PSMD1: variants seen among roughly 807,000 people sequenced by gnomAD.
PSMD1 encodes the protein proteasome 26S subunit, non-ATPase 1.
Under a neutral mutation model 119.0 loss-of-function variants are expected in PSMD1, and 18 were observed. The ratio of observed to expected loss-of-function variants is 0.15; its 90% CI spans 0.10 to 0.22. The LOEUF (loss-of-function observed/expected upper bound fraction) is 0.22. PSMD1 is among the 10% of genes least tolerant of loss of function. PSMD1 has a pLI of 1.00. For synonymous variants in PSMD1, 374 were observed against 396.6 expected (o/e 0.94, Z 0.68); for missense variants, 702 against 1,158.5 (o/e 0.61, Z 5.72).
intron 24 of PSMD1, among the ~76,000 whole-genome samples, chr2:231,171,642 C>A (rs571812912): frequency 6.6e-6 from 1 of 151,280 alleles, no homozygotes; most frequent in Non-Finnish European, 1.5e-5. Flanking sequence ...CCGCAACCTC[C>A]GCCTCCTGGG....
At chr2:231,112,291 A>AT (rs1695179963) in intron 16 of PSMD1, among the ~76,000 whole-genome samples, 1 of 152,080 alleles carries the variant, frequency 6.6e-6, no homozygotes, top group African/African-American at 2.4e-5. Flanking sequence ...ATTGTCTCCC[A>AT]TTCCCTTTCT....
chr2:231,111,746 T>C (rs17619600), intron 16 of PSMD1, among the ~76,000 whole-genome samples: 12,648 of 152,284 alleles, frequency 0.083, 663 homozygotes, highest in South Asian at 0.21. Context: ...TTAAGCCAAC[T>C]GATTAAAACC....
chr2:231,109,373 G>T (rs1301995857), intron 16 of PSMD1: 19 of 1,614,108 alleles, frequency 1.2e-5, no homozygotes, highest in Non-Finnish European at 1.6e-5. Context: ...GTCCACATCA[G>T]TCTCTATCCC....
chr2:231,077,329 T>C (rs899228155), intron 9 of PSMD1, among the ~76,000 whole-genome samples, 167 bp downstream of exon 9: 32 of 152,216 alleles, frequency 2.1e-4, no homozygotes, highest in African/African-American at 7.2e-4. Context: ...CTTGGAGTTG[T>C]TGGAAAGGAA....
intron 16 of PSMD1, among the ~76,000 whole-genome samples, chr2:231,119,141 G>C (rs556073674): frequency 6.6e-6 from 1 of 152,040 alleles, no homozygotes; most frequent in Non-Finnish European, 1.5e-5. Flanking sequence ...ATTTTTTCCT[G>C]GTTTTTAAAA....
chr2:231,169,712 C>G (rs1381536305), intron 23 of PSMD1, among the ~76,000 whole-genome samples: 1 of 152,138 alleles, frequency 6.6e-6, no homozygotes, highest in Non-Finnish European at 1.5e-5. Flanking sequence ...CCAGATGTGC[C>G]CTGCCACTGT....
At chr2:231,118,357 T>C (rs1193297126) in intron 16 of PSMD1, among the ~76,000 whole-genome samples, 1 of 152,188 alleles carries the variant, frequency 6.6e-6, no homozygotes, top group African/African-American at 2.4e-5. Flanking sequence ...CTACCTGCTG[T>C]AGCAAAAGTG....
At chr2:231,079,706 C>A in intron 11 of PSMD1, 92 bp downstream of exon 11, 2 of 767,404 alleles carry the variant, frequency 2.6e-6, no homozygotes, top group Non-Finnish European at 2.0e-6. Flanking sequence ...AATTCATTAA[C>A]AAGTACACTT....
At chr2:231,097,704 A>C (rs970592916) in intron 16 of PSMD1, among the ~76,000 whole-genome samples, 7 of 152,082 alleles carry the variant, frequency 4.6e-5, no homozygotes, top group Non-Finnish European at 7.4e-5. Context: ...TTTTAAATTG[A>C]TCTAGTATTC....
intron 10 of PSMD1, 143 bp downstream of exon 10, chr2:231,078,890 G>T: frequency 1.8e-6 from 1 of 561,972 alleles, no homozygotes; most frequent in South Asian, 2.8e-5. Flanking sequence ...CATCTCCTGG[G>T]TTCAGGCGAT....
chr2:231,116,626 T>C (rs1041443664), intron 16 of PSMD1, among the ~76,000 whole-genome samples: 5 of 151,088 alleles, frequency 3.3e-5, no homozygotes, highest in Non-Finnish European at 5.9e-5. Context: ...ATACTCCTAA[T>C]TGTGGGCTAA....
intron 23 of PSMD1, among the ~76,000 whole-genome samples, chr2:231,169,138 T>G (rs1450300834): frequency 6.6e-6 from 1 of 152,172 alleles, no homozygotes; most frequent in Non-Finnish European, 1.5e-5. Flanking sequence ...TGATTTGGAT[T>G]ATTAGTTTTG....
intron 16 of PSMD1, among the ~76,000 whole-genome samples, chr2:231,109,761 A>G (rs1301174042): frequency 6.6e-6 from 1 of 152,222 alleles, no homozygotes; most frequent in African/African-American, 2.4e-5. Context: ...AGAGAAATTC[A>G]GAAGAGAACC....
chr2:231,102,062 T>C (rs1694881429), intron 16 of PSMD1, among the ~76,000 whole-genome samples: 1 of 152,182 alleles, frequency 6.6e-6, no homozygotes, highest in African/African-American at 2.4e-5. Flanking sequence ...TAGGAGATCC[T>C]CCTGTTTCCA....
At position 231,165,863 on chromosome 2, in the gene PSMD1, T is replaced by C. The variant is rs773321218; in HGVS notation, c.2569-8T>C. ...TCTGTTGAACTTTTTTTAAATTTTA[T>C]TTTATAGGATGAGGCAGAGAAAAAG... On this transcript the variant is annotated splice_polypyrimidine_tract_variant and splice_region_variant and intron_variant, in intron 22 of 24. Coordinates refer to ENST00000308696, the MANE Select transcript of PSMD1 (RefSeq NM_002807.4). 6.3e-7 allele frequency: 1 copy of C among 1,583,588 alleles called. No homozygotes were observed. Among genetic ancestry groups the C allele is most frequent in the African/African-American group, 1.4e-5 (1 of 73,112 alleles).
rs930208608 is a variant in PSMD1 at position 231,056,964 on chromosome 2, T to A, written c.-62T>A. 7.8e-6 allele frequency: 12 copies of A among 1,538,936 alleles called. No homozygotes were observed. In the Admixed American group the frequency reaches 2.4e-4, roughly 30 times the overall value. Reference sequence around the variant, plus strand: ...GCGGTGAACTGAGCGGCCCCTGAGCTGACAGATACACTGCGCAGCTGGAAC... The same window carrying A: ...GCGGTGAACTGAGCGGCCCCTGAGCAGACAGATACACTGCGCAGCTGGAAC... On this transcript the variant is annotated 5_prime_UTR_variant, in exon 1 of 25. Coordinates refer to ENST00000308696, the MANE Select transcript of PSMD1 (RefSeq NM_002807.4).
chr2:231,144,512 C>T (rs1163322581), intron 17 of PSMD1, among the ~76,000 whole-genome samples: 1 of 137,454 alleles, frequency 7.3e-6, no homozygotes, highest in East Asian at 2.2e-4. Context: ...CTCCTGACCT[C>T]AGATGATCCA....
At chr2:231,060,483 C>T (rs1177066944) in intron 1 of PSMD1, 1 of 152,222 alleles carries the variant, frequency 6.6e-6, no homozygotes, top group African/African-American at 2.4e-5. Context: ...GGTCTTAGTA[C>T]AATAATTTCC....
intron 16 of PSMD1, among the ~76,000 whole-genome samples, chr2:231,097,979 A>G (rs1694764137): frequency 6.6e-6 from 1 of 152,222 alleles, no homozygotes; most frequent in Non-Finnish European, 1.5e-5. Context: ...TCTTAAGCTC[A>G]CTGCATCCCT....
Sources: gnomAD v4.1 joint callset for allele counts (sites outside exome capture counted in the v4.1 genomes callset) on GRCh38, gnomAD v4.1.1 for gene constraint, MANE v1.5 for transcripts, NCBI Gene and HGNC (gene_info 2026-07-23, HGNC 2026-07-21) for gene names.